The following NALF1 variants were observed in gnomAD, a reference collection of about 807,000 sequenced individuals.
NALF1 encodes the protein family with sequence similarity 155 member A.
In NALF1, 3 loss-of-function variants were observed where a neutral mutation model predicts 48.4. The observed-to-expected ratio is 0.06, with a 90% CI of 0.03 to 0.16. The LOEUF (loss-of-function observed/expected upper bound fraction) is 0.16, where lower values mean the gene tolerates loss of function less well. NALF1 is among the 10% of genes least tolerant of loss of function. NALF1 has a pLI of 1.00. For synonymous variants in NALF1, 262 were observed against 245.7 expected, an observed-to-expected ratio of 1.07 and a Z score of -0.62; for missense variants, 526 against 571.5, an observed-to-expected ratio of 0.92 and a Z score of 0.81.
chr13:107,797,544 T>G (rs886978527), intron 1 of NALF1, among the ~76,000 whole-genome samples: 1 of 152,130 alleles, frequency 6.6e-6, no homozygotes, highest in Non-Finnish European at 1.5e-5. Flanking sequence ...TGTATAAACA[T>G]TTGCTTAGTA....
rs1172529712 is a variant in NALF1, at chr13:107,865,719, T to C, written c.878A>G (p.Glu293Gly). ...AGGACAGGATTTCACCGAGTACTCCTCCGACTGTAAATATTTGTGGAGCAC... is the reference window on the plus strand; with the variant it reads ...AGGACAGGATTTCACCGAGTACTCCCCCGACTGTAAATATTTGTGGAGCAC... ...ESVLHKYLQS[E>G]EYSVKSCPED... The change falls in exon 1 of 3, where the codon GAG (glutamate) becomes GGG (glycine). Residue 293 changes from glutamate (E) to glycine (G), a missense_variant. Glu to Gly is a moderately conservative substitution (Grantham distance 98). Around this residue, in one of 2 missense-constraint regions of NALF1, gnomAD observed 153 missense variants for 215.9 expected, o/e 0.71. Transcript: ENST00000375915. 5 of 1,614,052 alleles carry C rather than the reference T, an allele frequency of 3.1e-6. No individual in the cohort carries two copies. Among genetic ancestry groups the C allele is most frequent in the Non-Finnish European group, 4.2e-6 (5 of 1,179,992 alleles).
intron 1 of NALF1, among the ~76,000 whole-genome samples, chr13:107,385,600 A>ATCTATGAC (rs1172047176): frequency 6.6e-6 from 1 of 151,662 alleles, no homozygotes; most frequent in South Asian, 2.1e-4. Context: ...AAAAATGCAT[A>ATCTATGAC]TCTATGACAA....
chr13:107,693,282 A>T (rs1186059047), intron 1 of NALF1, among the ~76,000 whole-genome samples: 1 of 131,446 alleles, frequency 7.6e-6, no homozygotes, highest in Non-Finnish European at 1.6e-5. Flanking sequence ...ATGAGAACAC[A>T]TGGACACAGG....
At chr13:107,571,250 G>T (rs1272611155) in intron 1 of NALF1, among the ~76,000 whole-genome samples, 1 of 151,996 alleles carries the variant, frequency 6.6e-6, no homozygotes, top group Non-Finnish European at 1.5e-5. Flanking sequence ...TACTAATCAG[G>T]TGACCCTTGG....
intron 1 of NALF1, among the ~76,000 whole-genome samples, chr13:107,649,426 T>C (rs1880392942): frequency 6.6e-6 from 1 of 152,228 alleles, no homozygotes; most frequent in Admixed American, 6.5e-5. Flanking sequence ...TAAGATGTAC[T>C]GGCTATGCAG....
intron 2 of NALF1, among the ~76,000 whole-genome samples, chr13:107,174,774 T>C (rs1423936197): frequency 6.6e-6 from 1 of 152,026 alleles, no homozygotes; most frequent in Admixed American, 6.6e-5. Flanking sequence ...AGGATGTGGC[T>C]GGGGGAGTCT....
chr13:107,610,946 G>A (rs572264227), intron 1 of NALF1, among the ~76,000 whole-genome samples: 3 of 152,220 alleles, frequency 2.0e-5, no homozygotes, highest in South Asian at 2.1e-4. Context: ...AAACCCAACC[G>A]TATGTTTTGA....
intron 1 of NALF1, among the ~76,000 whole-genome samples, chr13:107,445,111 A>G (rs1465727395): frequency 3.9e-5 from 6 of 152,236 alleles, no homozygotes; most frequent in African/African-American, 1.4e-4. Context: ...ACAAGCACCT[A>G]TGGGTGTATA....
At chr13:107,775,831 A>G (rs1566477201) in intron 1 of NALF1, among the ~76,000 whole-genome samples, 1 of 140,678 alleles carries the variant, frequency 7.1e-6, no homozygotes, top group Non-Finnish European at 1.6e-5. Context: ...CCACACAAAG[A>G]TAAGGCAACT....
At chr13:107,705,941 AAGAG>A (rs146858941) in intron 1 of NALF1, among the ~76,000 whole-genome samples, 1 of 151,118 alleles carries the variant, frequency 6.6e-6, no homozygotes, top group Non-Finnish European at 1.5e-5. Flanking sequence ...GCAGATATTT[AAGAG>A]AGAGAGAGAG....
chr13:107,571,968 C>CGT (rs757656381), intron 1 of NALF1, among the ~76,000 whole-genome samples: 1 of 152,056 alleles, frequency 6.6e-6, no homozygotes, highest in African/African-American at 2.4e-5. Flanking sequence ...TATTGAGAAA[C>CGT]GTGTGTGTAG....
chr13:107,221,950 A>G (rs565792456), intron 1 of NALF1, among the ~76,000 whole-genome samples: 2 of 152,330 alleles, frequency 1.3e-5, no homozygotes, highest in South Asian at 4.1e-4. Context: ...GCTGCTCTCC[A>G]TAGCTCAAAG....
chr13:107,796,382 T>C (rs1031029539), intron 1 of NALF1, among the ~76,000 whole-genome samples: 1 of 152,224 alleles, frequency 6.6e-6, no homozygotes, highest in Non-Finnish European at 1.5e-5. Context: ...TACTTTTGTG[T>C]AATGTTTTGT....
intron 1 of NALF1, among the ~76,000 whole-genome samples, chr13:107,740,126 C>T (rs1461289726): frequency 6.6e-6 from 1 of 152,142 alleles, no homozygotes; most frequent in Non-Finnish European, 1.5e-5. Context: ...CAAAACCGGT[C>T]CCTGGTGCCA....
chr13:107,371,216 G>A (rs1052804838), intron 1 of NALF1, among the ~76,000 whole-genome samples: 1 of 152,160 alleles, frequency 6.6e-6, no homozygotes, highest in Non-Finnish European at 1.5e-5. Flanking sequence ...GAAAGCCAAG[G>A]AGAGAGAATC....
intron 2 of NALF1, among the ~76,000 whole-genome samples, chr13:107,193,347 G>C (rs988730155): frequency 2.6e-5 from 4 of 152,124 alleles, no homozygotes; most frequent in Admixed American, 2.6e-4. Flanking sequence ...ACAGTAAGCA[G>C]GGTGTTAAAC....
At chr13:107,302,353 A>G (rs566182195) in intron 1 of NALF1, among the ~76,000 whole-genome samples, 10 of 152,354 alleles carry the variant, frequency 6.6e-5, no homozygotes, top group African/African-American at 2.4e-4. Context: ...ACAGACTAAG[A>G]CAGAGGGCTA....
chr13:107,192,916 T>C (rs980418569), intron 2 of NALF1, among the ~76,000 whole-genome samples: 1 of 152,174 alleles, frequency 6.6e-6, no homozygotes, highest in Non-Finnish European at 1.5e-5. Flanking sequence ...ATGAAATCAA[T>C]AGTAAGTACA....
At chr13:107,257,307 GGTAGGAATAAGACC>G (rs1347752615) in intron 1 of NALF1, among the ~76,000 whole-genome samples, 7 of 152,094 alleles carry the variant, frequency 4.6e-5, no homozygotes, top group African/African-American at 1.7e-4. Context: ...CACAGGATTT[GGTAGGAATAAGACC>G]GTTGTGACTA....
Sources: gnomAD v4.1 joint callset for allele counts (sites outside exome capture counted in the v4.1 genomes callset) on GRCh38, gnomAD v4.1.1 for gene constraint, gnomAD v4.1.1 regional missense constraint, MANE v1.5 for transcripts, NCBI Gene and HGNC (gene_info 2026-07-23, HGNC 2026-07-21) for gene names.